The following RAB11FIP5 variants were observed in gnomAD, a reference collection of about 807,000 sequenced individuals.
RAB11FIP5 encodes RAB11 family interacting protein 5.
RAB11FIP5 carries 48 observed loss-of-function variants against 85.1 expected under a neutral mutation model. That is an observed-to-expected ratio of 0.56 (90% CI 0.45 to 0.72). The LOEUF is 0.72. Ranked by LOEUF, RAB11FIP5 falls within the 30% of genes least tolerant of loss-of-function variation. The pLI, the probability that RAB11FIP5 is intolerant of heterozygous loss-of-function variation, is 0.00. For synonymous variants in RAB11FIP5, 729 were observed against 727.3 expected (o/e 1.00, Z -0.04); for missense variants, 1,491 against 1,687.0 (o/e 0.88, Z 2.04).
chr2:73,081,123 TCCTC>T lies in RAB11FIP5; in HGVS notation c.2105_2108del (p.Gly702GlufsTer44). The T allele has an allele frequency of 4.1e-6, 5 of 1,219,742 alleles. No individual in the cohort carries two copies. The South Asian group carries it at 1.3e-4, about 31-fold the overall frequency. 75.6% of individuals were successfully genotyped at this position (1,219,742 alleles called of 1,614,324 possible). A position where few individuals can be genotyped will look rare whatever the true frequency, so the allele number is the denominator to read the frequency against. On this transcript the variant is annotated frameshift_variant, in exon 4 of 6. Coordinates refer to ENST00000486777, the MANE Select transcript of RAB11FIP5 (RefSeq NM_001371272.1). LOFTEE classifies it high-confidence loss of function. This position sits in a 1 kb window ranked among gnomAD's most constrained non-coding sequence, Gnocchi z 4.2. ...CTCCTCCTCCTCCTCCTCCTCCTCC[TCCTC>T]CCCCAGGCTCTCCCTGGGGCTCAGC...
chr2:73,079,617 C>T, intron 4 of RAB11FIP5, 34 bp downstream of exon 4: 1 of 1,232,602 alleles, frequency 8.1e-7, no homozygotes, highest in Non-Finnish European at 1.0e-6. Context: ...CCACCCCCTT[C>T]CTCCTGGACA....
Position 73,107,936 on chromosome 2 carries a change from T to A in RAB11FIP5, c.431+4411A>T, listed in dbSNP as rs10211346. 7.2e-3 allele frequency among the ~76,000 whole-genome samples: 1,091 copies of A among 152,246 alleles called. 14 individuals are homozygous for A. The highest frequency in any genetic ancestry group is 0.025 in the African/African-American group (1,042 of 41,554). Reference sequence around the variant, plus strand: ...GGTCACGCACCATCTGCCCACCAACTGTCTGCCCAGGCTGTCTGTGGGCTA... The same window carrying A: ...GGTCACGCACCATCTGCCCACCAACAGTCTGCCCAGGCTGTCTGTGGGCTA... On this transcript the variant is annotated intron_variant, in intron 1 of 5. Coordinates refer to ENST00000486777, the MANE Select transcript of RAB11FIP5 (RefSeq NM_001371272.1).
In RAB11FIP5 at chr2:73,078,251, G is replaced by A. The variant is rs562902015; in HGVS notation, c.3581+1400C>T. Among the ~76,000 whole-genome samples, 5 of 152,278 alleles carry A rather than the reference G, an allele frequency of 3.3e-5. No homozygotes were observed. Among genetic ancestry groups the A allele is most frequent in the Admixed American group, 6.5e-5 (1 of 15,298 alleles). The stretch of plus-strand genomic sequence containing the variant: ...AGGGATCTGGGATCCTAAACCCTGC[G>A]CCTCTCATGGGCTCTATTTCTTCCT... On this transcript the variant is annotated intron_variant, in intron 4 of 5. Coordinates refer to ENST00000486777, the MANE Select transcript of RAB11FIP5 (RefSeq NM_001371272.1). The surrounding 1 kb of genome is among the most constrained non-coding windows in gnomAD (Gnocchi z 4.4).
At position 73,079,730 on chromosome 2, in the gene RAB11FIP5, C is replaced by T. The variant is rs1187844774; in HGVS notation, c.3502G>A (p.Ala1168Thr). ...AGCGGGGAGGCTGGGGTGGCTGCAG[C>T]GAGGTCCTCCCTAAGTAGGGCAGGG... Reference protein sequence around the residue: ...GSPALLREDLAAATPASPLVL... With the variant: ...GSPALLREDLTAATPASPLVL... Residue 1168 changes from alanine to threonine, a missense_variant, in exon 4 of 6, where the codon GCT becomes ACT. By Grantham distance (58) the Ala-to-Thr change is moderately conservative (BLOSUM62 0). Around this residue, in one of 3 missense-constraint regions of RAB11FIP5, gnomAD observed 232 missense variants for 259.1 expected, o/e 0.90. Transcript: ENST00000486777. 3.2e-6 allele frequency: 4 copies of T among 1,232,948 alleles called. No homozygotes were observed. Among genetic ancestry groups the T allele is most frequent in the Admixed American group, 4.2e-5 (1 of 23,706 alleles). The allele number at this position is 1,232,948 out of a possible 1,614,324, so 76.4% of individuals were successfully genotyped here.
chr2:73,083,137 G>A (rs568439252), intron 3 of RAB11FIP5, among the ~76,000 whole-genome samples: 2 of 152,352 alleles, frequency 1.3e-5, no homozygotes, highest in South Asian at 2.1e-4. Context: ...GGCAGAAGCC[G>A]GGCTTTGGCC....
chr2:73,081,509 T>TGGCAGCAGC lies in RAB11FIP5; in HGVS notation c.1714_1722dup (p.Ala572_Ala574dup). On this transcript the variant is annotated inframe_insertion, in exon 4 of 6. Coordinates refer to ENST00000486777, the MANE Select transcript of RAB11FIP5 (RefSeq NM_001371272.1). This position sits in a 1 kb window ranked among gnomAD's most constrained non-coding sequence, Gnocchi z 4.2. Reference sequence around the variant, plus strand: ...GCGGTGGTGGCGGCAGCGGCAGCAGTGGCAGCAGCGGGGGAGGCGGCTGCA... The same window carrying TGGCAGCAGC: ...GCGGTGGTGGCGGCAGCGGCAGCAGTGGCAGCAGCGGCAGCAGCGGGGGAGGCGGCTGCA... The TGGCAGCAGC allele has an allele frequency of 1.6e-6, 2 of 1,232,240 alleles. No individual in the cohort carries two copies. The highest frequency in any genetic ancestry group is 2.0e-6 in the Non-Finnish European group (2 of 987,790). The allele number at this position is 1,232,240 out of a possible 1,614,324, so 76.3% of individuals were successfully genotyped here.
In RAB11FIP5 at chr2:73,079,911, C is replaced by T. The variant is rs892374850; in HGVS notation, c.3321G>A (p.Pro1107=). ...GGCTGGCCCAAGGCGGGAGAGGGGGCGGTGGAAAGTCAGGCTCTGGGGGAG... is the reference window on the plus strand; with the variant it reads ...GGCTGGCCCAAGGCGGGAGAGGGGGTGGTGGAAAGTCAGGCTCTGGGGGAG... ...LPTPPEPDFP[P]PPLPPWASHH... The change falls in exon 4 of 6, where the codon CCG becomes CCA. Residue 1107 remains proline, a synonymous_variant. Coordinates refer to ENST00000486777, the MANE Select transcript of RAB11FIP5 (RefSeq NM_001371272.1). 2.3e-5 allele frequency: 28 copies of T among 1,232,076 alleles called. No homozygotes were observed. Among genetic ancestry groups the T allele is most frequent in the African/African-American group, 7.8e-5 (5 of 64,328 alleles). 76.3% of individuals were successfully genotyped at this position (1,232,076 alleles called of 1,614,324 possible).
intron 1 of RAB11FIP5, among the ~76,000 whole-genome samples, chr2:73,102,281 A>C (rs13391532): frequency 0.32 from 48,323 of 151,892 alleles, 9,151 homozygotes; most frequent in East Asian, 0.56. Context: ...CAGGACTGAC[A>C]CTATGCTGCA....
At chr2:73,109,175 G>A (rs1221732813) in intron 1 of RAB11FIP5, among the ~76,000 whole-genome samples, 2 of 152,236 alleles carry the variant, frequency 1.3e-5, no homozygotes, top group Non-Finnish European at 2.9e-5. Context: ...GAGATCATTA[G>A]TTTCCTTGTG....
At chr2:73,109,808 C>A (rs775680548) in intron 1 of RAB11FIP5, among the ~76,000 whole-genome samples, 2 of 152,200 alleles carry the variant, frequency 1.3e-5, no homozygotes, top group Non-Finnish European at 2.9e-5. Flanking sequence ...GCTCTAAGTT[C>A]TAGACTGTCT....
chr2:73,112,794 G>A lies in RAB11FIP5; in HGVS notation c.-17C>T, dbSNP rs1482772887. ...CAGGGCCATGGCGGAGAAGCGGGGG[G>A]CGAGGTCTGGCCGAGCCGGTGCAGA... On this transcript the variant is annotated 5_prime_UTR_variant, in exon 1 of 6. Coordinates refer to ENST00000486777, the MANE Select transcript of RAB11FIP5 (RefSeq NM_001371272.1). 6.4e-6 allele frequency: 9 copies of A among 1,415,294 alleles called. No individual in the cohort carries two copies. Among genetic ancestry groups the A allele is most frequent in the South Asian group, 3.1e-5 (2 of 63,948 alleles). The allele number at this position is 1,415,294 out of a possible 1,614,324, so 87.7% of individuals were successfully genotyped here. A position where few individuals can be genotyped will look rare whatever the true frequency, so the allele number is the denominator to read the frequency against.
intron 1 of RAB11FIP5, among the ~76,000 whole-genome samples, chr2:73,107,717 G>A (rs57726945): frequency 0.28 from 42,842 of 151,964 alleles, 6,820 homozygotes; most frequent in East Asian, 0.56. Flanking sequence ...GTGGAGCCTC[G>A]GCATACCAAC....
intron 2 of RAB11FIP5, 22 bp downstream of exon 2, chr2:73,088,857 C>T (rs559044135): frequency 6.5e-6 from 10 of 1,546,758 alleles, no homozygotes; most frequent in South Asian, 1.3e-5. Context: ...CTCCCCAGGG[C>T]GGCGGCCCTG....
chr2:73,105,985 A>G (rs1574305921), intron 1 of RAB11FIP5, among the ~76,000 whole-genome samples: 1 of 152,158 alleles, frequency 6.6e-6, no homozygotes, highest in Non-Finnish European at 1.5e-5. Context: ...TTGAGAGTTC[A>G]TGGCTGCAGT....
rs1419532497 is a variant in RAB11FIP5, at chr2:73,075,234, G to A, written c.*287C>T. 2 of 679,752 alleles carry A rather than the reference G, an allele frequency of 2.9e-6. No individual in the cohort carries two copies. The highest frequency in any genetic ancestry group is 5.4e-6 in the Non-Finnish European group (2 of 370,568). The allele number at this position is 679,752 out of a possible 1,614,324, so 42.1% of individuals were successfully genotyped here. On this transcript the variant is annotated 3_prime_UTR_variant, in exon 6 of 6. Transcript: ENST00000486777. The surrounding 1 kb of genome is among the most constrained non-coding windows in gnomAD (Gnocchi z 4.6). ...AGTTCACCCCTGCTCTGTCTTGGGG[G>A]AAGAGTTCCAATTCCCTGGGGCCCC...
intron 1 of RAB11FIP5, among the ~76,000 whole-genome samples, chr2:73,100,777 GT>G (rs1200398059): frequency 6.6e-6 from 1 of 151,172 alleles, no homozygotes; most frequent in East Asian, 1.9e-4. Flanking sequence ...TTCCCAACAG[GT>G]TTTTTTTGGT....
intron 1 of RAB11FIP5, among the ~76,000 whole-genome samples, chr2:73,094,531 A>C (rs1684281489): frequency 6.6e-6 from 1 of 152,186 alleles, no homozygotes; most frequent in Non-Finnish European, 1.5e-5. Context: ...AGACTTACTG[A>C]ACTAGAAGGT....
chr2:73,090,045 G>A (rs1684180094), intron 1 of RAB11FIP5, among the ~76,000 whole-genome samples: 1 of 152,144 alleles, frequency 6.6e-6, no homozygotes, highest in Non-Finnish European at 1.5e-5. Context: ...CATCTATGGT[G>A]CATTACGACC....
chr2:73,107,832 A>C (rs1684560670), intron 1 of RAB11FIP5, among the ~76,000 whole-genome samples: 1 of 152,138 alleles, frequency 6.6e-6, no homozygotes, highest in African/African-American at 2.4e-5. Flanking sequence ...GCAGGAGCCA[A>C]GGCCAGGGGC....
Sources: gnomAD v4.1 joint callset for allele counts (sites outside exome capture counted in the v4.1 genomes callset) on GRCh38, gnomAD v4.1.1 for gene constraint, gnomAD v4.1.1 regional missense constraint, Gnocchi (gnomAD v3.1) non-coding constraint, MANE v1.5 for transcripts, NCBI Gene and HGNC (gene_info 2026-07-23, HGNC 2026-07-21) for gene names.